PTK2: variants seen among roughly 807,000 people sequenced by gnomAD.
PTK2 encodes focal adhesion kinase 1.
Under a neutral mutation model 150.1 loss-of-function variants are expected in PTK2, and 45 were observed. The observed-to-expected ratio is 0.30, with a 90% CI of 0.24 to 0.38. The LOEUF is 0.38. Among genes scored for constraint, PTK2 ranks in the 10% least tolerant of loss-of-function variants. PTK2 has a pLI of 1.00. For synonymous variants in PTK2, 432 were observed against 449.2 expected (o/e 0.96, Z 0.48); for missense variants, 919 against 1,307.3 (o/e 0.70, Z 4.58).
At chr8:140,747,371 C>T (rs1222842880) in intron 17 of PTK2, 3 of 134,740 alleles carry the variant, frequency 2.2e-5, no homozygotes, top group Non-Finnish European at 4.6e-5. Context: ...TAAGAAAAAT[C>T]CTTCTTTCCT....
intron 22 of PTK2, among the ~76,000 whole-genome samples, chr8:140,730,121 TAGA>T (rs1302236471): frequency 6.6e-6 from 1 of 152,056 alleles, no homozygotes; most frequent in Non-Finnish European, 1.5e-5. Context: ...AGCTCAATGA[TAGA>T]AGACCAGTTC....
chr8:140,941,875 TTTTG>T (rs71810443), intron 1 of PTK2, among the ~76,000 whole-genome samples: 61,088 of 149,766 alleles, frequency 0.41, 14,568 homozygotes, highest in Non-Finnish European at 0.55. Flanking sequence ...CCAGCTAACT[TTTTG>T]TTTGTTTGTT....
intron 31 of PTK2, chr8:140,662,971 C>T (rs943416932): frequency 1.7e-5 from 7 of 412,008 alleles, no homozygotes; most frequent in African/African-American, 1.4e-4. Flanking sequence ...AAGAAAGCAA[C>T]ACCACGTGCA....
At chr8:140,727,140 A>G (rs1329964853) in intron 22 of PTK2, among the ~76,000 whole-genome samples, 1 of 152,214 alleles carries the variant, frequency 6.6e-6, no homozygotes, top group Non-Finnish European at 1.5e-5. Context: ...AGAGAGGTGG[A>G]TGTTAAGTTA....
chr8:140,958,072 T>G (rs2100181812), intron 1 of PTK2, among the ~76,000 whole-genome samples: 1 of 152,220 alleles, frequency 6.6e-6, no homozygotes, highest in Admixed American at 6.5e-5. Flanking sequence ...ATATTTTTTA[T>G]GCAAACTGTT....
At chr8:140,911,498 A>G (rs993618739) in intron 2 of PTK2, among the ~76,000 whole-genome samples, 4 of 152,186 alleles carry the variant, frequency 2.6e-5, no homozygotes, top group Non-Finnish European at 5.9e-5. Context: ...ATGCAATGTT[A>G]AGTGGGAGAC....
At chr8:140,668,918 T>C (rs2093981195) in intron 29 of PTK2, 1 of 155,504 alleles carries the variant, frequency 6.4e-6, no homozygotes, top group Non-Finnish European at 1.4e-5. Context: ...ATGTTCTTTG[T>C]ACAATTATAA....
intron 1 of PTK2, among the ~76,000 whole-genome samples, chr8:140,985,039 C>A (rs1484328012): frequency 6.6e-6 from 1 of 152,236 alleles, no homozygotes; most frequent in South Asian, 2.1e-4. Context: ...CCCAACACAA[C>A]TGTAATAACA....
intron 1 of PTK2, among the ~76,000 whole-genome samples, chr8:140,973,488 A>G (rs1269814101): frequency 6.6e-6 from 1 of 152,144 alleles, no homozygotes; most frequent in Non-Finnish European, 1.5e-5. Context: ...AGGGGCACAC[A>G]TACACACACA....
chr8:140,794,929 T>C (rs2100090732), intron 12 of PTK2, among the ~76,000 whole-genome samples: 1 of 152,198 alleles, frequency 6.6e-6, no homozygotes, highest in African/African-American at 2.4e-5. Flanking sequence ...CTTGCTGATA[T>C]TCAAAACTGA....
At chr8:140,767,928 CATGTTA>C (rs2100073341) in intron 14 of PTK2, among the ~76,000 whole-genome samples, 13 of 152,108 alleles carry the variant, frequency 8.5e-5, no homozygotes, top group Non-Finnish European at 1.8e-4. Flanking sequence ...GGGCCCTCCA[CATGTTA>C]GTGTAACATA....
At chr8:140,705,486 A>G (rs1167226799) in intron 24 of PTK2, among the ~76,000 whole-genome samples, 1 of 152,206 alleles carries the variant, frequency 6.6e-6, no homozygotes, top group East Asian at 1.9e-4. Flanking sequence ...CCTGATGGGA[A>G]GGGGCACAAA....
At chr8:140,865,749 G>C (rs111624372) in intron 4 of PTK2, among the ~76,000 whole-genome samples, 1,527 of 152,214 alleles carry the variant, frequency 0.01, 22 homozygotes, top group African/African-American at 0.035. Context: ...TTTCAACTTA[G>C]GATTTACCAG....
chr8:140,952,240 C>T (rs147535552), intron 1 of PTK2, among the ~76,000 whole-genome samples: 4 of 152,188 alleles, frequency 2.6e-5, no homozygotes, highest in Middle Eastern at 3.4e-3. Context: ...ACAAAACTGC[C>T]CTCACACACA....
At chr8:140,946,908 AG>A (rs1416803031) in intron 1 of PTK2, among the ~76,000 whole-genome samples, 1 of 152,226 alleles carries the variant, frequency 6.6e-6, no homozygotes, top group African/African-American at 2.4e-5. Flanking sequence ...GTAAAGTCAT[AG>A]TTCAAACCAA....
chr8:140,706,426 C>G (rs1347139865), intron 23 of PTK2, among the ~76,000 whole-genome samples: 2 of 152,330 alleles, frequency 1.3e-5, no homozygotes, highest in South Asian at 4.1e-4. Flanking sequence ...CTTCCTCCCA[C>G]ATGCACAAAA....
chr8:140,790,063 A>C (rs1356806203), intron 13 of PTK2, among the ~76,000 whole-genome samples: 3 of 146,100 alleles, frequency 2.1e-5, no homozygotes, highest in Non-Finnish European at 4.4e-5. Context: ...GACATGGTTT[A>C]ACACTAGTTT....
chr8:140,865,516 T>A (rs1417078225), intron 4 of PTK2, among the ~76,000 whole-genome samples: 5 of 151,782 alleles, frequency 3.3e-5, no homozygotes, highest in Admixed American at 3.3e-4. Context: ...TTAATGGTAT[T>A]TTTTTTTAAC....
intron 2 of PTK2, among the ~76,000 whole-genome samples, chr8:140,901,199 GA>G (rs2100158305): frequency 6.6e-6 from 1 of 151,706 alleles, no homozygotes; most frequent in East Asian, 1.9e-4. Flanking sequence ...GAGAAAACTG[GA>G]TAACTGTATG....
Sources: allele counts gnomAD v4.1 joint callset (sites outside exome capture counted in the v4.1 genomes callset), GRCh38; gene constraint gnomAD v4.1.1; transcripts MANE v1.5; gene names NCBI Gene and HGNC (gene_info 2026-07-23, HGNC 2026-07-21).